Variants in TMEM132D observed in about 807,000 individuals in gnomAD.
TMEM132D encodes transmembrane protein 132D, also known as mature OL transmembrane protein.
Under a neutral mutation model 62.3 loss-of-function variants are expected in TMEM132D, and 21 were observed. The ratio of observed to expected loss-of-function variants is 0.34; its 90% CI spans 0.24 to 0.49. The LOEUF (loss-of-function observed/expected upper bound fraction) is 0.49, where lower values mean the gene tolerates loss of function less well. TMEM132D is among the 20% of genes least tolerant of loss of function. TMEM132D has a pLI of 0.99. For missense variants in TMEM132D, 1,346 were observed against 1,402.8 expected (o/e 0.96, Z 0.65); for synonymous variants, 621 against 575.6 (o/e 1.08, Z -1.13).
chr12:129,136,776 A>ATCATCACCG (rs879294763), intron 5 of TMEM132D, among the ~76,000 whole-genome samples: 23,878 of 148,860 alleles, frequency 0.16, 2,049 homozygotes, highest in Non-Finnish European at 0.18. Context: ...CATCATCACC[A>ATCATCACCG]TCACCATCAT....
intron 1 of TMEM132D, among the ~76,000 whole-genome samples, chr12:129,727,502 G>T (rs569122342): frequency 3.3e-5 from 5 of 152,122 alleles, no homozygotes; most frequent in African/African-American, 1.2e-4. Context: ...CACAAAATTC[G>T]ACATGAATTT....
intron 4 of TMEM132D, among the ~76,000 whole-genome samples, chr12:129,296,923 G>A (rs560411795): frequency 2.0e-5 from 3 of 152,326 alleles, no homozygotes; most frequent in African/African-American, 7.2e-5. Flanking sequence ...CAGTACAAAG[G>A]AATGCTTCTC....
At chr12:129,200,655 C>T (rs1274291012) in intron 5 of TMEM132D, among the ~76,000 whole-genome samples, 2 of 152,176 alleles carry the variant, frequency 1.3e-5, no homozygotes, top group African/African-American at 2.4e-5. Context: ...GGGGCTGTCC[C>T]TGTGGCTGCG....
chr12:129,903,199 C>T lies in TMEM132D; in HGVS notation c.79+62G>A. On this transcript the variant is annotated intron_variant, in intron 1 of 8. Coordinates refer to ENST00000422113, the MANE Select transcript of TMEM132D (RefSeq NM_133448.3). This position sits in a 1 kb window ranked among gnomAD's most constrained non-coding sequence, Gnocchi z 6.2. ...CCCGGCCGCCCCCATCCTCCACACACTCCCACACACTCACTCCAGGCGAAG... is the reference window on the plus strand; with the variant it reads ...CCCGGCCGCCCCCATCCTCCACACATTCCCACACACTCACTCCAGGCGAAG... The T allele has an allele frequency of 2.0e-6, 3 of 1,524,318 alleles. No homozygotes were observed. The allele number at this position is 1,524,318 out of a possible 1,614,324, so 94.4% of individuals were successfully genotyped here.
In TMEM132D at chr12:129,769,484, C is replaced by T. The variant is rs540721215; in HGVS notation, c.80-68786G>A. On this transcript the variant is annotated intron_variant, in intron 1 of 8. Transcript: ENST00000422113. The stretch of plus-strand genomic sequence containing the variant: ...TCCCTCTCATGACACGGAGGAATTA[C>T]GGGAGCTACAATTCAAGATAAGACT... 4.6e-5 allele frequency among the ~76,000 whole-genome samples: 7 copies of T among 152,248 alleles called. No individual in the cohort carries two copies. The South Asian group carries it at 6.2e-4, about 14-fold the overall frequency.
chr12:129,470,530 T>C (rs987332009), intron 3 of TMEM132D, among the ~76,000 whole-genome samples: 1 of 152,150 alleles, frequency 6.6e-6, no homozygotes, highest in African/African-American at 2.4e-5. Flanking sequence ...TGATGGGTAC[T>C]TTTTCTTGTC....
intron 5 of TMEM132D, among the ~76,000 whole-genome samples, chr12:129,137,025 C>CACACCATCA (rs1027701916): frequency 2.7e-4 from 40 of 149,336 alleles, no homozygotes; most frequent in Non-Finnish European, 5.4e-4. Flanking sequence ...TTACCATCAT[C>CACACCATCA]ACACCATCAA....
At chr12:129,287,356 G>T (rs981212383) in intron 4 of TMEM132D, among the ~76,000 whole-genome samples, 1 of 152,110 alleles carries the variant, frequency 6.6e-6, no homozygotes, top group African/African-American at 2.4e-5. Context: ...AGGGAATGAT[G>T]GTAATACAAA....
chr12:129,316,158 A>T (rs1165162337), intron 4 of TMEM132D, among the ~76,000 whole-genome samples: 1 of 151,438 alleles, frequency 6.6e-6, no homozygotes, highest in African/African-American at 2.4e-5. Context: ...TTCTGCTCTG[A>T]TCTTGGTTAT....
At chr12:129,124,385 A>G (rs934048587) in intron 5 of TMEM132D, among the ~76,000 whole-genome samples, 16 of 152,284 alleles carry the variant, frequency 1.1e-4, no homozygotes, top group African/African-American at 3.9e-4. Flanking sequence ...CAACTCAGTG[A>G]ATCTTTATAT....
At chr12:129,457,565 C>G (rs950000413) in intron 3 of TMEM132D, among the ~76,000 whole-genome samples, 1 of 151,476 alleles carries the variant, frequency 6.6e-6, no homozygotes, top group Non-Finnish European at 1.5e-5. Flanking sequence ...ATGTTGTGCA[C>G]ATGTACCCTA....
At chr12:129,412,671 A>G (rs1872002667) in intron 3 of TMEM132D, among the ~76,000 whole-genome samples, 1 of 152,170 alleles carries the variant, frequency 6.6e-6, no homozygotes, top group African/African-American at 2.4e-5. Flanking sequence ...TCTGGTCAAC[A>G]TGGTGAAACC....
chr12:129,564,108 T>A (rs1877307955), intron 2 of TMEM132D, among the ~76,000 whole-genome samples: 1 of 152,192 alleles, frequency 6.6e-6, no homozygotes, highest in Middle Eastern at 3.2e-3. Flanking sequence ...ATGGCAGTTG[T>A]AGTGAGCACC....
intron 3 of TMEM132D, among the ~76,000 whole-genome samples, chr12:129,356,136 A>G (rs1870037187): frequency 6.6e-6 from 1 of 151,120 alleles, no homozygotes; most frequent in Non-Finnish European, 1.5e-5. Flanking sequence ...GCTTCTAGAG[A>G]AACTGAAGGG....
intron 5 of TMEM132D, among the ~76,000 whole-genome samples, chr12:129,153,725 G>A (rs1489990232): frequency 2.0e-5 from 3 of 152,164 alleles, no homozygotes; most frequent in Admixed American, 2.0e-4. Flanking sequence ...TCCAGCAGTA[G>A]GGCCAGGGGC....
intron 1 of TMEM132D, among the ~76,000 whole-genome samples, chr12:129,833,243 C>G (rs1382826315): frequency 1.3e-5 from 2 of 152,138 alleles, no homozygotes; most frequent in Non-Finnish European, 2.9e-5. Flanking sequence ...AAGCTACAGT[C>G]GGACACACAC....
chr12:129,161,678 G>A (rs1009236094), intron 5 of TMEM132D, among the ~76,000 whole-genome samples: 15 of 152,094 alleles, frequency 9.9e-5, no homozygotes, highest in African/African-American at 3.6e-4. Context: ...TACCCAACTC[G>A]TGCCAGCCTC....
chr12:129,199,747 A>G (rs2135560511), intron 5 of TMEM132D, among the ~76,000 whole-genome samples: 1 of 152,304 alleles, frequency 6.6e-6, no homozygotes, highest in South Asian at 2.1e-4. Context: ...GAGCTTGTGC[A>G]GGGGAACTGC....
chr12:129,627,912 A>C (rs475255), intron 2 of TMEM132D, among the ~76,000 whole-genome samples: 34,295 of 152,068 alleles, frequency 0.23, 4,212 homozygotes, highest in Admixed American at 0.28. Context: ...GCTTGAGCCC[A>C]GGGGGTCAAG....
Sources: gnomAD v4.1 joint callset for allele counts (sites outside exome capture counted in the v4.1 genomes callset) on GRCh38, gnomAD v4.1.1 for gene constraint, Gnocchi (gnomAD v3.1) non-coding constraint, MANE v1.5 for transcripts, NCBI Gene and HGNC (gene_info 2026-07-23, HGNC 2026-07-21) for gene names.